The following ZNF438 variants were observed in gnomAD, a reference collection of about 807,000 sequenced individuals.
ZNF438 encodes zinc finger protein 438.
ZNF438 carries 25 observed loss-of-function variants against 38.0 expected under a neutral mutation model. The observed-to-expected ratio is 0.66, with a 90% CI of 0.48 to 0.92. The LOEUF (loss-of-function observed/expected upper bound fraction) is 0.92. ZNF438 is among the 40% of genes least tolerant of loss of function. The pLI is 0.00. For missense variants in ZNF438, 1,007 were observed against 999.6 expected (o/e 1.01, Z -0.10); for synonymous variants, 372 against 364.1 (o/e 1.02, Z -0.25).
At chr10:30,880,096 C>T (rs2039010595) in intron 3 of ZNF438, among the ~76,000 whole-genome samples, 2 of 151,762 alleles carry the variant, frequency 1.3e-5, no homozygotes, top group African/African-American at 2.4e-5. Flanking sequence ...TATAAAGGAA[C>T]AATGATAAGG....
chr10:30,954,907 A>G (rs1180346618), intron 1 of ZNF438, among the ~76,000 whole-genome samples: 1 of 152,214 alleles, frequency 6.6e-6, no homozygotes, highest in Non-Finnish European at 1.5e-5. Flanking sequence ...CAGAAAAAGG[A>G]TGACTCTAAA....
intron 1 of ZNF438, among the ~76,000 whole-genome samples, chr10:31,025,170 A>C (rs1230727910): frequency 1.3e-5 from 2 of 152,256 alleles, no homozygotes; most frequent in Non-Finnish European, 2.9e-5. Flanking sequence ...AAAAAAATAA[A>C]AAAATAAAAA....
At chr10:30,935,549 T>G (rs2046157625) in intron 2 of ZNF438, among the ~76,000 whole-genome samples, 1 of 152,140 alleles carries the variant, frequency 6.6e-6, no homozygotes, top group South Asian at 2.1e-4. Flanking sequence ...CGCCCATGAC[T>G]CAAACACCTC....
chr10:30,976,560 A>G lies in ZNF438; in HGVS notation c.-191-34909T>C, dbSNP rs777371968. On this transcript the variant is annotated intron_variant, in intron 1 of 5. Transcript: ENST00000413025. ...AGTTCAAGACCAGTCTGGGCAATAT[A>G]GCAAGGCCCTATCTCTACAAAAAAT... Among the ~76,000 whole-genome samples, 53 of 152,104 alleles carry G rather than the reference A, an allele frequency of 3.5e-4. 1 individual carries two copies. Among genetic ancestry groups the G allele is most frequent in the Admixed American group, 2.6e-3 (40 of 15,268 alleles).
chr10:30,892,494 A>G (rs1056687630), intron 3 of ZNF438, among the ~76,000 whole-genome samples: 1 of 152,134 alleles, frequency 6.6e-6, no homozygotes, highest in African/African-American at 2.4e-5. Flanking sequence ...GCATTTATAT[A>G]TTAAGAATTT....
chr10:31,011,425 G>A (rs757993251), intron 1 of ZNF438, among the ~76,000 whole-genome samples: 6 of 152,094 alleles, frequency 3.9e-5, no homozygotes, highest in Non-Finnish European at 5.9e-5. Flanking sequence ...CTGAATAAAA[G>A]GTCTGAAAAC....
intron 1 of ZNF438, among the ~76,000 whole-genome samples, chr10:31,020,894 A>G (rs1298729612): frequency 1.3e-5 from 2 of 152,006 alleles, no homozygotes; most frequent in African/African-American, 4.8e-5. Flanking sequence ...AGAGACAAGA[A>G]TCAGACTTTA....
chr10:30,981,420 A>G (rs752312620), intron 1 of ZNF438, among the ~76,000 whole-genome samples: 93 of 152,330 alleles, frequency 6.1e-4, no homozygotes, highest in South Asian at 1.2e-3. Flanking sequence ...AACAAACAGT[A>G]GGTACTGTAC....
intron 1 of ZNF438, among the ~76,000 whole-genome samples, chr10:30,988,580 T>C (rs1428083162): frequency 2.0e-5 from 3 of 152,068 alleles, no homozygotes; most frequent in Non-Finnish European, 4.4e-5. Context: ...AGAAACTAAA[T>C]AATGTAAGCT....
chr10:30,863,453 C>G (rs1564514937), intron 4 of ZNF438, among the ~76,000 whole-genome samples: 1 of 152,186 alleles, frequency 6.6e-6, no homozygotes, highest in African/African-American at 2.4e-5. Context: ...GAGCCAGTAC[C>G]AAGAGTGAAG....
At chr10:31,019,323 T>C (rs915869510) in intron 1 of ZNF438, among the ~76,000 whole-genome samples, 2 of 152,154 alleles carry the variant, frequency 1.3e-5, no homozygotes, top group South Asian at 2.1e-4. Context: ...ATAAAATAAA[T>C]ACCAAATGTA....
intron 4 of ZNF438, among the ~76,000 whole-genome samples, chr10:30,869,709 C>T (rs150314707): frequency 6.6e-6 from 1 of 152,180 alleles, no homozygotes; most frequent in South Asian, 2.1e-4. Flanking sequence ...AACCAGCTTG[C>T]AAATGTCAAT....
intron 1 of ZNF438, among the ~76,000 whole-genome samples, 161 bp downstream of exon 1, chr10:31,031,672 C>T (rs1322711416): frequency 6.6e-6 from 1 of 152,058 alleles, no homozygotes; most frequent in Non-Finnish European, 1.5e-5. Flanking sequence ...CCCTACCGCC[C>T]AGCAGGGCGC....
At chr10:31,018,035 C>G (rs542493155) in intron 1 of ZNF438, among the ~76,000 whole-genome samples, 3 of 152,296 alleles carry the variant, frequency 2.0e-5, no homozygotes, top group South Asian at 2.1e-4. Flanking sequence ...ATAACTGAAG[C>G]TTTTACATAG....
intron 1 of ZNF438, among the ~76,000 whole-genome samples, chr10:31,012,810 C>T (rs2055834104): frequency 6.6e-6 from 1 of 152,236 alleles, no homozygotes; most frequent in Non-Finnish European, 1.5e-5. Context: ...GAGGGACCCT[C>T]TTCCCCAACA....
At chr10:30,898,169 AG>A (rs1245316117) in intron 3 of ZNF438, among the ~76,000 whole-genome samples, 10 of 152,164 alleles carry the variant, frequency 6.6e-5, no homozygotes, top group Admixed American at 4.6e-4. Context: ...CCTCTGGAAA[AG>A]GAAGAATTGG....
chr10:30,856,986 A>C lies in ZNF438; in HGVS notation c.38-6619T>G, dbSNP rs185151343. 1.3e-4 allele frequency among the ~76,000 whole-genome samples: 20 copies of C among 152,318 alleles called. No homozygotes were observed. In the East Asian group the frequency reaches 3.9e-3, roughly 29 times the overall value. ...TGCTAGGTCTTTTAATTAAATCTTC[A>C]TCCAAACTCTGCGAATAAGTATTAC... is the stretch of plus-strand genomic sequence containing the variant. On this transcript the variant is annotated intron_variant, in intron 4 of 5. Coordinates refer to ENST00000413025, the Ensembl canonical transcript of ZNF438.
intron 4 of ZNF438, among the ~76,000 whole-genome samples, chr10:30,873,612 T>C (rs2037846051): frequency 6.6e-6 from 1 of 152,208 alleles, no homozygotes; most frequent in South Asian, 2.1e-4. Flanking sequence ...TCAAAGTATG[T>C]CATACTCACT....
At chr10:30,857,612 T>C in intron 4 of ZNF438, 1 of 1,250,754 alleles carries the variant, frequency 8.0e-7, no homozygotes, top group Non-Finnish European at 1.1e-6. Context: ...TTATTAGAGA[T>C]AACTCACAGA....
Sources: gnomAD v4.1 joint callset for allele counts (sites outside exome capture counted in the v4.1 genomes callset) on GRCh38, gnomAD v4.1.1 for gene constraint, MANE v1.5 for transcripts, NCBI Gene and HGNC (gene_info 2026-07-23, HGNC 2026-07-21) for gene names.